Variants in SUMF1 observed in about 807,000 individuals in gnomAD.
SUMF1 encodes the protein formylglycine-generating enzyme.
SUMF1 carries 48 observed loss-of-function variants against 47.6 expected under a neutral mutation model. The ratio of observed to expected loss-of-function variants is 1.01; its 90% CI spans 0.80 to 1.28. The LOEUF is 1.28. Among genes scored for constraint, SUMF1 ranks in the 50% most tolerant of loss-of-function variants. The pLI is 0.00. For synonymous variants in SUMF1, 230 were observed against 192.1 expected (o/e 1.20, Z -1.63); for missense variants, 571 against 485.4 (o/e 1.18, Z -1.66).
intron 8 of SUMF1, among the ~76,000 whole-genome samples, chr3:4,169,004 G>C (rs1252892102): frequency 9.9e-5 from 15 of 152,116 alleles, no homozygotes; most frequent in Non-Finnish European, 1.3e-4. Flanking sequence ...TCTAACATCT[G>C]CTGTACAAGT....
intron 9 of SUMF1, among the ~76,000 whole-genome samples, chr3:4,039,839 A>T (rs1029108802): frequency 6.6e-6 from 1 of 152,080 alleles, no homozygotes; most frequent in African/African-American, 2.4e-5. Context: ...TGGGCAATAC[A>T]GTGAGACCTA....
chr3:4,323,185 A>G (rs1227328553), intron 8 of SUMF1, among the ~76,000 whole-genome samples: 6 of 152,198 alleles, frequency 3.9e-5, no homozygotes, highest in Non-Finnish European at 7.3e-5. Flanking sequence ...TTTGGTCATA[A>G]TATTATTTGG....
chr3:4,315,821 C>T (rs1387538628), intron 8 of SUMF1, among the ~76,000 whole-genome samples: 1 of 151,924 alleles, frequency 6.6e-6, no homozygotes, highest in Non-Finnish European at 1.5e-5. Flanking sequence ...CTGAGGCAGG[C>T]AGAACACTTG....
intron 8 of SUMF1, among the ~76,000 whole-genome samples, chr3:4,092,064 G>A (rs1157527707): frequency 6.6e-6 from 1 of 152,038 alleles, no homozygotes; most frequent in African/African-American, 2.4e-5. Context: ...ATCCTGGCCA[G>A]CTGCTTCTAC....
chr3:4,360,138 G>C (rs1317900920), downstream of SUMF1, among the ~76,000 whole-genome samples: 11 of 151,090 alleles, frequency 7.3e-5, no homozygotes. Context: ...AACTGTACTG[G>C]AGTAGGGTGA....
At chr3:4,173,398 G>A (rs1694876547) in intron 8 of SUMF1, among the ~76,000 whole-genome samples, 1 of 152,204 alleles carries the variant, frequency 6.6e-6, no homozygotes, top group Admixed American at 6.5e-5. Flanking sequence ...TGGAGAGGAT[G>A]TAGAGAAATA....
rs953089431 is a variant in SUMF1, at chr3:4,312,615, G to A, written c.1014+63715C>T. 3.0e-4 allele frequency among the ~76,000 whole-genome samples: 45 copies of A among 151,236 alleles called. 1 individual carries two copies. Among genetic ancestry groups the A allele is most frequent in the Non-Finnish European group, 1.3e-4 (9 of 67,960 alleles). ...AGCTGTAGCAGCTAAGGAAGCTGAG[G>A]CAGGAGAATCGCTTGAGCCCAGGTT... On this transcript the variant is annotated intron_variant and NMD_transcript_variant, in intron 8 of 12. Transcript: ENST00000448413.
At position 4,129,009 on chromosome 3, in the gene SUMF1, C is replaced by A. The variant is rs544798641; in HGVS notation, c.1015-60264G>T. On this transcript the variant is annotated intron_variant and NMD_transcript_variant, in intron 8 of 12. Coordinates refer to the SUMF1 transcript ENST00000448413. The stretch of plus-strand genomic sequence containing the variant: ...TAATGTAAAGGAAAGGATCCAAAGG[C>A]TTAGGCAGATTGGGATGGTGGAGTG... Among the ~76,000 whole-genome samples the A allele has an allele frequency of 3.9e-5, 6 of 152,230 alleles. No individual in the cohort carries two copies. The South Asian group carries it at 1.2e-3, about 32-fold the overall frequency.
At chr3:4,356,245 T>A (rs1451789369), downstream of SUMF1, among the ~76,000 whole-genome samples, 2 of 152,228 alleles carry the variant, frequency 1.3e-5, no homozygotes, top group East Asian at 1.9e-4. Context: ...GTGGTTTGTA[T>A]CCAGAGAATT....
At chr3:4,245,772 A>G (rs979783571) in intron 8 of SUMF1, among the ~76,000 whole-genome samples, 2 of 152,194 alleles carry the variant, frequency 1.3e-5, no homozygotes, top group African/African-American at 4.8e-5. Flanking sequence ...TGCTCTCTTC[A>G]GAGCTGTCAG....
At chr3:4,099,483 G>C (rs1370440878) in intron 8 of SUMF1, among the ~76,000 whole-genome samples, 1 of 152,066 alleles carries the variant, frequency 6.6e-6, no homozygotes, top group Non-Finnish European at 1.5e-5. Context: ...GGCTATATAT[G>C]ACAAGCCTAC....
At chr3:4,270,418 T>TCC (rs893423722) in intron 8 of SUMF1, among the ~76,000 whole-genome samples, 1 of 151,908 alleles carries the variant, frequency 6.6e-6, no homozygotes, top group Non-Finnish European at 1.5e-5. Flanking sequence ...TTTCTCTCTC[T>TCC]CTCTCTCTCA....
chr3:4,097,337 G>A (rs537451622), intron 8 of SUMF1, among the ~76,000 whole-genome samples: 14 of 152,208 alleles, frequency 9.2e-5, no homozygotes, highest in Non-Finnish European at 1.6e-4. Context: ...GATCACGAAT[G>A]AGGTCAGGAG....
At chr3:4,072,809 A>G (rs1692304218) in intron 8 of SUMF1, among the ~76,000 whole-genome samples, 1 of 152,204 alleles carries the variant, frequency 6.6e-6, no homozygotes, top group Non-Finnish European at 1.5e-5. Context: ...GAAATGAACA[A>G]AGCCTCCAAG....
chr3:4,385,859 T>C (rs1328232645), intron 7 of SUMF1, among the ~76,000 whole-genome samples: 4 of 152,326 alleles, frequency 2.6e-5, no homozygotes, highest in Non-Finnish European at 4.4e-5. Flanking sequence ...TGTCCAATTG[T>C]TCCAGCACCA....
At chr3:4,246,234 G>A (rs780111682) in intron 8 of SUMF1, among the ~76,000 whole-genome samples, 14 of 152,164 alleles carry the variant, frequency 9.2e-5, no homozygotes, top group African/African-American at 2.4e-4. Flanking sequence ...GTGACACCCC[G>A]CCCTGCTTCT....
At chr3:4,317,009 C>T (rs992418353) in intron 8 of SUMF1, 4 of 1,549,282 alleles carry the variant, frequency 2.6e-6, no homozygotes, top group Admixed American at 2.0e-5. Context: ...ATGAATTGGG[C>T]TATGAAGTTT....
chr3:4,399,086 G>A (rs1701126231), intron 7 of SUMF1, among the ~76,000 whole-genome samples: 1 of 152,084 alleles, frequency 6.6e-6, no homozygotes, highest in African/African-American at 2.4e-5. Context: ...TTGAGGATAT[G>A]AGAACGAGAG....
intron 8 of SUMF1, among the ~76,000 whole-genome samples, chr3:4,340,800 A>G (rs533925413): frequency 6.6e-6 from 1 of 152,192 alleles, no homozygotes; most frequent in Non-Finnish European, 1.5e-5. Context: ...TTGAAGCGCC[A>G]TTTCCTGAAC....
Sources: gnomAD v4.1 joint callset for allele counts (sites outside exome capture counted in the v4.1 genomes callset) on GRCh38, gnomAD v4.1.1 for gene constraint, MANE v1.5 for transcripts, NCBI Gene and HGNC (gene_info 2026-07-23, HGNC 2026-07-21) for gene names.